GHR: variants seen among roughly 807,000 people sequenced by gnomAD.
GHR encodes growth hormone receptor.
GHR carries 35 observed loss-of-function variants against 67.1 expected under a neutral mutation model. That is an observed-to-expected ratio of 0.52 (90% CI 0.40 to 0.69). The LOEUF is 0.69. Ranked by LOEUF, GHR falls within the 30% of genes least tolerant of loss-of-function variation. The pLI is 0.00. For missense variants in GHR, 792 were observed against 764.6 expected, an observed-to-expected ratio of 1.04 and a Z score of -0.42; for synonymous variants, 272 against 269.1, an observed-to-expected ratio of 1.01 and a Z score of -0.10.
At chr5:42,426,135 T>G (rs1220275981) in intron 1 of GHR, among the ~76,000 whole-genome samples, 1 of 152,226 alleles carries the variant, frequency 6.6e-6, no homozygotes, top group Non-Finnish European at 1.5e-5. Context: ...ATGTTTACAG[T>G]GCTTGGTAAC....
chr5:42,460,164 G>A (rs1376382891), intron 1 of GHR, among the ~76,000 whole-genome samples: 1 of 152,178 alleles, frequency 6.6e-6, no homozygotes, highest in African/African-American at 2.4e-5. Flanking sequence ...TGCAAGCTCA[G>A]AAGAGAGCCC....
chr5:42,466,569 A>G (rs1744742380), intron 1 of GHR, among the ~76,000 whole-genome samples: 1 of 152,214 alleles, frequency 6.6e-6, no homozygotes, highest in African/African-American at 2.4e-5. Context: ...AACAAAATTA[A>G]GCAAAAAAGA....
At chr5:42,478,589 A>T (rs1466563818) in intron 1 of GHR, among the ~76,000 whole-genome samples, 1 of 152,154 alleles carries the variant, frequency 6.6e-6, no homozygotes, top group African/African-American at 2.4e-5. Context: ...CTCCTTGAAG[A>T]TGTCCTTCAC....
intron 3 of GHR, among the ~76,000 whole-genome samples, chr5:42,679,849 T>C (rs1446720477): frequency 6.6e-6 from 1 of 152,092 alleles, no homozygotes; most frequent in Non-Finnish European, 1.5e-5. Context: ...AAAGAAGCCG[T>C]AGTTGCTGTC....
intron 1 of GHR, among the ~76,000 whole-genome samples, chr5:42,428,756 C>A (rs1234608770): frequency 1.3e-5 from 2 of 152,172 alleles, no homozygotes; most frequent in Non-Finnish European, 2.9e-5. Flanking sequence ...CAGTTCCCAA[C>A]AAGTTCTTCA....
chr5:42,662,413 C>A (rs140559102), intron 3 of GHR, among the ~76,000 whole-genome samples: 4 of 152,136 alleles, frequency 2.6e-5, no homozygotes, highest in Non-Finnish European at 5.9e-5. Context: ...GTCTCTCAGA[C>A]CACAGTGCAA....
intron 1 of GHR, among the ~76,000 whole-genome samples, chr5:42,473,893 A>C (rs1001768990): frequency 2.0e-5 from 3 of 151,580 alleles, no homozygotes; most frequent in Non-Finnish European, 4.4e-5. Flanking sequence ...AAAAAAAAGA[A>C]AAGTGTCTGT....
chr5:42,673,456 A>C (rs950693433), intron 3 of GHR, among the ~76,000 whole-genome samples: 7 of 152,174 alleles, frequency 4.6e-5, no homozygotes, highest in Non-Finnish European at 1.0e-4. Flanking sequence ...TGTTCTACCC[A>C]AAAGACACAT....
At chr5:42,672,651 A>T (rs1756374227) in intron 3 of GHR, among the ~76,000 whole-genome samples, 1 of 152,210 alleles carries the variant, frequency 6.6e-6, no homozygotes, top group South Asian at 2.1e-4. Context: ...TACAAAAATT[A>T]ACTCAGGATG....
At chr5:42,457,960 G>A (rs1744330189) in intron 1 of GHR, among the ~76,000 whole-genome samples, 2 of 152,048 alleles carry the variant, frequency 1.3e-5, no homozygotes, top group African/African-American at 4.8e-5. Context: ...CAACTCATAA[G>A]GATATTTCTA....
At position 42,719,665 on chromosome 5, in the gene GHR, T is replaced by G. The variant is rs1425024328; in HGVS notation, c.*241T>G. ...TTTTAAAGAATTGTGTCAGACTGTT[T>G]AGTAGCAGTGATTGTCTTAATATTG... is the stretch of plus-strand genomic sequence containing the variant. On this transcript the variant is annotated 3_prime_UTR_variant, in exon 10 of 10. Coordinates refer to ENST00000230882, the MANE Select transcript of GHR (RefSeq NM_000163.5). 1.6e-5 allele frequency: 8 copies of G among 503,800 alleles called. No homozygotes were observed. Among genetic ancestry groups the G allele is most frequent in the Admixed American group, 3.1e-5 (1 of 31,904 alleles). The allele number at this position is 503,800 out of a possible 1,614,324, so 31.2% of individuals were successfully genotyped here.
intron 1 of GHR, among the ~76,000 whole-genome samples, chr5:42,505,180 T>A (rs536693779): frequency 8.8e-4 from 132 of 150,836 alleles, no homozygotes; most frequent in African/African-American, 3.1e-3. Flanking sequence ...TTATTTTAAA[T>A]CTATTATACT....
chr5:42,470,406 A>G (rs1744962033), intron 1 of GHR, among the ~76,000 whole-genome samples: 1 of 152,066 alleles, frequency 6.6e-6, no homozygotes, highest in South Asian at 2.1e-4. Context: ...ATACACCTGA[A>G]GAATATTTCA....
At chr5:42,425,861 T>C (rs919510023) in intron 1 of GHR, among the ~76,000 whole-genome samples, 2 of 152,204 alleles carry the variant, frequency 1.3e-5, no homozygotes, top group Non-Finnish European at 2.9e-5. Context: ...ATTATAGTTA[T>C]GGTCTCCTGA....
intron 3 of GHR, among the ~76,000 whole-genome samples, chr5:42,658,848 G>A (rs1367237166): frequency 3.3e-5 from 5 of 152,086 alleles, no homozygotes; most frequent in Non-Finnish European, 7.4e-5. Flanking sequence ...CTACCATAAA[G>A]CCTAGGGAGT....
chr5:42,709,394 C>T (rs1453234398), intron 6 of GHR, among the ~76,000 whole-genome samples: 4 of 152,186 alleles, frequency 2.6e-5, no homozygotes, highest in African/African-American at 4.8e-5. Context: ...CTGCCAACCT[C>T]GGCCTCCCAA....
chr5:42,465,752 C>A (rs899916505), intron 1 of GHR: 4 of 906,286 alleles, frequency 4.4e-6, no homozygotes, highest in Non-Finnish European at 7.5e-6. Context: ...ACGTTTGCCA[C>A]GAGAATCAAA....
In GHR at chr5:42,545,954, C is replaced by T. The variant is rs1457175892; in HGVS notation, c.-11-19910C>T. Among the ~76,000 whole-genome samples the T allele has an allele frequency of 3.3e-5, 5 of 152,194 alleles. No individual in the cohort carries two copies. In the East Asian group the frequency reaches 9.7e-4, roughly 29 times the overall value. ...TGCATTTATGTGGGCCTTAATAATT[C>T]CCCCAAATAAAACTATTCGTAAGTT... On this transcript the variant is annotated intron_variant, in intron 1 of 9. Transcript: ENST00000230882.
Position 42,720,462 on chromosome 5 carries a change from C to G in GHR, c.*1038C>G, listed in dbSNP as rs532448303. ...GCGTGCAGATGGTGAGAGATAAGAT[C>G]TATAGCCTCTGCAGCGGAATCTGTT... is the stretch of plus-strand genomic sequence containing the variant. On this transcript the variant is annotated 3_prime_UTR_variant, in exon 10 of 10. Transcript: ENST00000230882. 1 of 152,202 alleles carries G rather than the reference C, an allele frequency of 6.6e-6. No individual in the cohort carries two copies. Among genetic ancestry groups the G allele is most frequent in the Non-Finnish European group, 1.5e-5 (1 of 68,052 alleles). 9.4% of individuals were successfully genotyped at this position (152,202 alleles called of 1,614,324 possible). A position where few individuals can be genotyped will look rare whatever the true frequency, so the allele number is the denominator to read the frequency against.
Sources: allele counts gnomAD v4.1 joint callset (sites outside exome capture counted in the v4.1 genomes callset), GRCh38; gene constraint gnomAD v4.1.1; transcripts MANE v1.5; gene names NCBI Gene and HGNC (gene_info 2026-07-23, HGNC 2026-07-21).